SPOCK3: variants seen among roughly 807,000 people sequenced by gnomAD.
The protein encoded by SPOCK3 is SPARC (osteonectin), cwcv and kazal like domains proteoglycan 3.
SPOCK3 carries 30 observed loss-of-function variants against 56.6 expected under a neutral mutation model. That is an observed-to-expected ratio of 0.53 (90% CI 0.40 to 0.72). The LOEUF (loss-of-function observed/expected upper bound fraction) is 0.72. SPOCK3 is among the 30% of genes least tolerant of loss of function. SPOCK3 has a pLI of 0.00. For synonymous variants in SPOCK3, 196 were observed against 183.3 expected (o/e 1.07, Z -0.56); for missense variants, 527 against 530.0 (o/e 0.99, Z 0.06).
At chr4:166,932,143 T>C (rs995093100) in intron 4 of SPOCK3, among the ~76,000 whole-genome samples, 1 of 152,218 alleles carries the variant, frequency 6.6e-6, no homozygotes, top group African/African-American at 2.4e-5. Flanking sequence ...AGCCTGAAAG[T>C]ATGTTAACTC....
chr4:166,948,857 T>C lies in SPOCK3; in HGVS notation c.351-36114A>G, dbSNP rs1413820804. Among the ~76,000 whole-genome samples the C allele has an allele frequency of 3.3e-5, 5 of 152,136 alleles. No individual in the cohort carries two copies. The South Asian group carries it at 8.3e-4, about 25-fold the overall frequency. On this transcript the variant is annotated intron_variant, in intron 4 of 10. Coordinates refer to ENST00000357545, the MANE Select transcript of SPOCK3 (RefSeq NM_001040159.2). ...CTTCTCGAGGAGTATCTTTGTGGCG[T>C]TCTCTGTATTTCCTGAATCTGAATG...
chr4:166,929,664 G>A (rs1399084005), intron 4 of SPOCK3, among the ~76,000 whole-genome samples: 1 of 152,112 alleles, frequency 6.6e-6, no homozygotes, highest in Admixed American at 6.5e-5. Context: ...CAGTTCTTGA[G>A]TGCTTTTGGG....
chr4:166,738,508 G>A (rs1234928280), intron 9 of SPOCK3, among the ~76,000 whole-genome samples: 2 of 148,998 alleles, frequency 1.3e-5, no homozygotes, highest in Non-Finnish European at 3.0e-5. Flanking sequence ...TAGGGTACAC[G>A]TGCACAATGT....
intron 3 of SPOCK3, among the ~76,000 whole-genome samples, chr4:167,005,086 T>C (rs992174862): frequency 6.6e-6 from 1 of 152,200 alleles, no homozygotes; most frequent in Admixed American, 6.5e-5. Flanking sequence ...AACTTATTTT[T>C]ATGGCCAACT....
At chr4:166,941,262 G>C (rs1741033104) in intron 4 of SPOCK3, among the ~76,000 whole-genome samples, 1 of 152,112 alleles carries the variant, frequency 6.6e-6, no homozygotes, top group Non-Finnish European at 1.5e-5. Flanking sequence ...CTGTGGACAA[G>C]AGAAACAGAA....
At chr4:166,959,426 A>G (rs1743888622) in intron 4 of SPOCK3, among the ~76,000 whole-genome samples, 1 of 152,222 alleles carries the variant, frequency 6.6e-6, no homozygotes, top group South Asian at 2.1e-4. Flanking sequence ...CAGCCTGGCC[A>G]GCATAGCGAA....
intron 3 of SPOCK3, among the ~76,000 whole-genome samples, chr4:167,044,151 C>T (rs894192591): frequency 3.3e-5 from 5 of 151,922 alleles, no homozygotes; most frequent in African/African-American, 9.7e-5. Context: ...TTGACTATTT[C>T]TTCTTTTTCA....
chr4:167,201,911 T>G (rs1476586856), intron 2 of SPOCK3, among the ~76,000 whole-genome samples: 3 of 151,910 alleles, frequency 2.0e-5, no homozygotes, highest in Non-Finnish European at 2.9e-5. Flanking sequence ...TGGAGCAAAT[T>G]TTTCAGTTTT....
chr4:166,901,340 T>C (rs986429826), intron 5 of SPOCK3, among the ~76,000 whole-genome samples: 36 of 152,144 alleles, frequency 2.4e-4, no homozygotes, highest in Admixed American at 2.4e-3. Flanking sequence ...CCATATTTGA[T>C]GCACTGTCAG....
chr4:167,163,225 T>C (rs1235797986), intron 2 of SPOCK3, among the ~76,000 whole-genome samples: 2 of 150,472 alleles, frequency 1.3e-5, no homozygotes, highest in East Asian at 3.9e-4. Context: ...ATGTTAAATA[T>C]GAGAAAATGT....
chr4:167,046,712 C>T (rs1430351282), intron 3 of SPOCK3, among the ~76,000 whole-genome samples: 1 of 151,916 alleles, frequency 6.6e-6, no homozygotes, highest in Non-Finnish European at 1.5e-5. Flanking sequence ...ACCTCGGCCT[C>T]CCAAAGTGCT....
At chr4:166,921,876 A>G (rs867355409) in intron 4 of SPOCK3, among the ~76,000 whole-genome samples, 47 of 152,252 alleles carry the variant, frequency 3.1e-4, no homozygotes, top group Admixed American at 1.2e-3. Flanking sequence ...TAACCTACAA[A>G]TAGTACCTAT....
At chr4:167,044,404 A>T (rs1452848897) in intron 3 of SPOCK3, among the ~76,000 whole-genome samples, 1 of 148,932 alleles carries the variant, frequency 6.7e-6, no homozygotes, top group Non-Finnish European at 1.5e-5. Flanking sequence ...TTTGTTGTCT[A>T]TTGATTTCCT....
rs1439970350 is a variant in SPOCK3 at position 166,951,318 on chromosome 4, A to T, written c.351-38575T>A. ...ACTACAAACACCTCTACGCAAAAAA[A>T]CTAGAAAATCTAGAAGAAATGGATA... On this transcript the variant is annotated intron_variant, in intron 4 of 10. Transcript: ENST00000357545. Among the ~76,000 whole-genome samples, 3 of 136,704 alleles carry T rather than the reference A, an allele frequency of 2.2e-5. 1 individual carries two copies. Among genetic ancestry groups the T allele is most frequent in the African/African-American group, 9.2e-5 (3 of 32,742 alleles). 89.7% of individuals were successfully genotyped at this position (136,704 alleles called of 152,430 possible).
intron 7 of SPOCK3, among the ~76,000 whole-genome samples, chr4:166,775,843 A>G (rs898494151): frequency 6.6e-6 from 1 of 152,192 alleles, no homozygotes; most frequent in African/African-American, 2.4e-5. Context: ...GTATATGCCA[A>G]ACACTGTAAA....
At chr4:166,801,005 C>T (rs891259491) in intron 6 of SPOCK3, among the ~76,000 whole-genome samples, 52 of 152,224 alleles carry the variant, frequency 3.4e-4, no homozygotes, top group Non-Finnish European at 4.6e-4. Flanking sequence ...TTCAGCTTTA[C>T]GAATACTTAC....
At chr4:166,966,527 T>C (rs570853412) in intron 4 of SPOCK3, among the ~76,000 whole-genome samples, 1 of 152,282 alleles carries the variant, frequency 6.6e-6, no homozygotes, top group East Asian at 1.9e-4. Flanking sequence ...TACTCATGAG[T>C]TGAGGCTAAT....
intron 6 of SPOCK3, among the ~76,000 whole-genome samples, chr4:166,835,102 G>A (rs888378866): frequency 1.3e-5 from 2 of 151,848 alleles, no homozygotes; most frequent in African/African-American, 4.8e-5. Context: ...TATAAGTACT[G>A]TTAATAGTAA....
intron 2 of SPOCK3, among the ~76,000 whole-genome samples, chr4:167,230,597 C>T (rs1737079245): frequency 6.7e-6 from 1 of 149,934 alleles, no homozygotes. Context: ...TTCAAAATCA[C>T]ATAATTATAA....
Sources: gnomAD v4.1 joint callset for allele counts (sites outside exome capture counted in the v4.1 genomes callset) on GRCh38, gnomAD v4.1.1 for gene constraint, MANE v1.5 for transcripts, NCBI Gene and HGNC (gene_info 2026-07-23, HGNC 2026-07-21) for gene names.